GPR158: variants seen among roughly 807,000 people sequenced by gnomAD.
GPR158 encodes metabotropic glycine receptor.
GPR158 carries 30 observed loss-of-function variants against 78.2 expected under a neutral mutation model. The ratio of observed to expected loss-of-function variants is 0.38; its 90% CI spans 0.29 to 0.52. GPR158 has a LOEUF of 0.52. Ranked by LOEUF, GPR158 falls within the 20% of genes least tolerant of loss-of-function variation. The probability of loss-of-function intolerance (pLI) is 0.83; values close to 1 mark genes in which losing one functional copy is unlikely to be tolerated. For missense variants in GPR158, 1,463 were observed against 1,523.5 expected, an observed-to-expected ratio of 0.96 and a Z score of 0.66; for synonymous variants, 581 against 591.1, an observed-to-expected ratio of 0.98 and a Z score of 0.25.
At chr10:25,563,151 C>T (rs1332065882) in intron 6 of GPR158, among the ~76,000 whole-genome samples, 1 of 136,210 alleles carries the variant, frequency 7.3e-6, no homozygotes, top group East Asian at 2.2e-4. Context: ...CCTATTATTT[C>T]ATTAGATCTA....
intron 2 of GPR158, among the ~76,000 whole-genome samples, chr10:25,304,031 A>G (rs1298881367): frequency 6.6e-6 from 1 of 152,126 alleles, no homozygotes; most frequent in Non-Finnish European, 1.5e-5. Context: ...TCAGTTGTGT[A>G]TGTTATCTTG....
intron 2 of GPR158, among the ~76,000 whole-genome samples, chr10:25,326,159 C>T (rs1855028937): frequency 6.6e-6 from 1 of 152,128 alleles, no homozygotes; most frequent in African/African-American, 2.4e-5. Flanking sequence ...CATGTGCTCT[C>T]ATTGTTCAGC....
At chr10:25,253,791 A>G (rs1288931432) in intron 2 of GPR158, among the ~76,000 whole-genome samples, 1 of 152,226 alleles carries the variant, frequency 6.6e-6, no homozygotes, top group African/African-American at 2.4e-5. Context: ...TCTTTGAAAG[A>G]GAAGCTTTCC....
At chr10:25,396,789 A>G (rs574194802) in intron 3 of GPR158, among the ~76,000 whole-genome samples, 2 of 152,338 alleles carry the variant, frequency 1.3e-5, no homozygotes, top group African/African-American at 4.8e-5. Flanking sequence ...TATAGTTTCA[A>G]AAAATAAAAA....
At chr10:25,513,099 A>G (rs1372213126) in intron 5 of GPR158, among the ~76,000 whole-genome samples, 1 of 151,984 alleles carries the variant, frequency 6.6e-6, no homozygotes, top group Non-Finnish European at 1.5e-5. Context: ...TAGTGTCAAT[A>G]GGATCAATTG....
intron 2 of GPR158, among the ~76,000 whole-genome samples, chr10:25,288,536 T>A: frequency 6.6e-6 from 1 of 152,188 alleles, no homozygotes; most frequent in East Asian, 1.9e-4. Flanking sequence ...TTTTAAAAAA[T>A]TTCTTATTTG....
chr10:25,227,519 G>A (rs1220102433), intron 2 of GPR158, among the ~76,000 whole-genome samples: 1 of 152,066 alleles, frequency 6.6e-6, no homozygotes, highest in African/African-American at 2.4e-5. Context: ...GGTGTACTAG[G>A]CCTCTCTCTT....
intron 5 of GPR158, among the ~76,000 whole-genome samples, chr10:25,490,245 A>T (rs1038005997): frequency 6.6e-6 from 1 of 152,004 alleles, no homozygotes; most frequent in African/African-American, 2.4e-5. Context: ...AATGCAAATT[A>T]TCAATATTTA....
At chr10:25,433,552 TGTGTGTGTGTGTGTGTGTGC>T (rs1186637636) in intron 4 of GPR158, among the ~76,000 whole-genome samples, 46 of 126,884 alleles carry the variant, frequency 3.6e-4, no homozygotes, top group African/African-American at 1.2e-3. Flanking sequence ...GTGTGTTGTG[TGTGTGTGTGTGTGTGTGTGC>T]GCGCGCGCGT....
chr10:25,585,535 G>C (rs1588924298), intron 7 of GPR158, among the ~76,000 whole-genome samples: 1 of 152,214 alleles, frequency 6.6e-6, no homozygotes, highest in East Asian at 1.9e-4. Context: ...TTCAATGTAG[G>C]TTATAATCAT....
chr10:25,456,074 C>G (rs1468542642), intron 4 of GPR158, among the ~76,000 whole-genome samples: 18 of 152,134 alleles, frequency 1.2e-4, no homozygotes, highest in Admixed American at 1.2e-3. Context: ...ACAATCGCTA[C>G]CCTACAACCC....
chr10:25,515,300 G>A (rs1020014601), intron 5 of GPR158, among the ~76,000 whole-genome samples: 4 of 151,386 alleles, frequency 2.6e-5, no homozygotes, highest in African/African-American at 9.7e-5. Context: ...ACTTTCCAGT[G>A]CATTTTGCAT....
At chr10:25,237,226 C>T (rs190634402) in intron 2 of GPR158, among the ~76,000 whole-genome samples, 1 of 152,326 alleles carries the variant, frequency 6.6e-6, no homozygotes, top group East Asian at 1.9e-4. Flanking sequence ...CAGGTAATCT[C>T]ATCTTCCTTC....
intron 2 of GPR158, among the ~76,000 whole-genome samples, chr10:25,365,009 A>G (rs995665467): frequency 1.3e-5 from 2 of 151,802 alleles, no homozygotes; most frequent in Non-Finnish European, 2.9e-5. Flanking sequence ...TCAACTGTCT[A>G]TGTAAAACTA....
At chr10:25,420,337 G>T (rs1773667) in intron 4 of GPR158, among the ~76,000 whole-genome samples, 63,551 of 151,630 alleles carry the variant, frequency 0.42, 15,977 homozygotes, top group Non-Finnish European at 0.58. Context: ...TTTTTTTGTA[G>T]AGATGGAGTC....
At chr10:25,384,749 G>A (rs1235978083) in intron 2 of GPR158, among the ~76,000 whole-genome samples, 1 of 151,740 alleles carries the variant, frequency 6.6e-6, no homozygotes, top group Non-Finnish European at 1.5e-5. Context: ...TTTCATTTTA[G>A]CCATTCCATT....
At chr10:25,413,854 CAG>C (rs892787172) in intron 4 of GPR158, among the ~76,000 whole-genome samples, 4 of 152,174 alleles carry the variant, frequency 2.6e-5, no homozygotes, top group African/African-American at 9.7e-5. Flanking sequence ...CAAGTAAGTG[CAG>C]ACAGGCAGAT....
At chr10:25,367,756 G>A (rs1482646773) in intron 2 of GPR158, among the ~76,000 whole-genome samples, 4 of 151,696 alleles carry the variant, frequency 2.6e-5, no homozygotes, top group African/African-American at 7.3e-5. Context: ...TGCTGGATTG[G>A]CATTTTCATT....
chr10:25,428,208 C>T (rs2130571296), intron 4 of GPR158, among the ~76,000 whole-genome samples: 1 of 152,116 alleles, frequency 6.6e-6, no homozygotes, highest in Non-Finnish European at 1.5e-5. Flanking sequence ...AACAGTACTA[C>T]TATTGCTTAT....
Sources: allele counts gnomAD v4.1 joint callset (sites outside exome capture counted in the v4.1 genomes callset), GRCh38; gene constraint gnomAD v4.1.1; transcripts MANE v1.5; gene names NCBI Gene and HGNC (gene_info 2026-07-23, HGNC 2026-07-21).